The following DERA variants were observed in gnomAD, a reference collection of about 807,000 sequenced individuals.
DERA encodes 2-deoxy-D-ribose 5-phosphate aldolase.
Under a neutral mutation model 41.1 loss-of-function variants are expected in DERA, and 15 were observed. The observed-to-expected ratio is 0.37, with a 90% confidence interval of 0.24 to 0.56. DERA has a LOEUF of 0.56. Ranked by LOEUF, DERA falls within the 20% of genes least tolerant of loss-of-function variation. DERA has a pLI of 0.81. For synonymous variants in DERA, 139 were observed against 137.4 expected (o/e 1.01, Z -0.08); for missense variants, 396 against 403.4 (o/e 0.98, Z 0.16).
Position 15,988,815 on chromosome 12 carries a change from G to A in DERA, c.637+6379G>A, listed in dbSNP as rs1948782957. ...ACGGCACCCAGGCTATTCACACTGA[G>A]GGGCGCCTGCAGACCCACACCAAGC... On this transcript the variant is annotated intron_variant, in intron 6 of 8. Coordinates refer to ENST00000428559, the MANE Select transcript of DERA (RefSeq NM_015954.4). The surrounding 1 kb of genome is among the most constrained non-coding windows in gnomAD (Gnocchi z 6.0). 6.6e-6 allele frequency among the ~76,000 whole-genome samples: 1 copy of A among 152,316 alleles called. No homozygotes were observed. Among genetic ancestry groups the A allele is most frequent in the South Asian group, 2.1e-4 (1 of 4,830 alleles).
intron 1 of DERA, among the ~76,000 whole-genome samples, chr12:15,950,821 A>C (rs1483344888): frequency 6.6e-6 from 1 of 152,210 alleles, no homozygotes; most frequent in Non-Finnish European, 1.5e-5. Flanking sequence ...ATCTCTTATT[A>C]GGAAAGGCCT....
chr12:15,962,717 A>G, intron 4 of DERA, 96 bp from the exon 5 acceptor site: 1 of 1,025,774 alleles, frequency 9.7e-7, no homozygotes, highest in Non-Finnish European at 1.4e-6. Flanking sequence ...ATGAACTACT[A>G]CTGACCAATT....
Position 15,959,167 on chromosome 12 carries a change from A to G in DERA, c.278-662A>G, listed in dbSNP as rs944761556. ...AACCTAAACAACTCTACGGCTTTTGAAAAGTATTTATTATGTTTATTTCGT... is the reference window on the plus strand; with the variant it reads ...AACCTAAACAACTCTACGGCTTTTGGAAAGTATTTATTATGTTTATTTCGT... On this transcript the variant is annotated intron_variant, in intron 3 of 8. Transcript: ENST00000428559. The surrounding 1 kb of genome is among the most constrained non-coding windows in gnomAD (Gnocchi z 4.5). 1.3e-5 allele frequency among the ~76,000 whole-genome samples: 2 copies of G among 152,182 alleles called. No individual in the cohort carries two copies. The highest frequency in any genetic ancestry group is 4.8e-5 in the African/African-American group (2 of 41,436).
chr12:15,981,728 T>C lies in DERA; in HGVS notation c.509-580T>C, dbSNP rs116586780. ...GCATCTCTGAGCCTCCCTGCAGAGA[T>C]GGCTTTGTACACATGCGTCCAGCAC... On this transcript the variant is annotated intron_variant, in intron 5 of 8. Coordinates refer to ENST00000428559, the MANE Select transcript of DERA (RefSeq NM_015954.4). The surrounding 1 kb of genome is among the most constrained non-coding windows in gnomAD (Gnocchi z 6.1). Among the ~76,000 whole-genome samples the C allele has an allele frequency of 6.6e-6, 1 of 152,188 alleles. No homozygotes were observed. The highest frequency in any genetic ancestry group is 2.4e-5 in the African/African-American group (1 of 41,456).
chr12:15,988,583 C>T lies in DERA; in HGVS notation c.637+6147C>T, dbSNP rs1157393179. Among the ~76,000 whole-genome samples, 1 of 152,108 alleles carries T rather than the reference C, an allele frequency of 6.6e-6. No homozygotes were observed. The highest frequency in any genetic ancestry group is 1.5e-5 in the Non-Finnish European group (1 of 68,018). On this transcript the variant is annotated intron_variant, in intron 6 of 8. Coordinates refer to ENST00000428559, the MANE Select transcript of DERA (RefSeq NM_015954.4). The surrounding 1 kb of genome is among the most constrained non-coding windows in gnomAD (Gnocchi z 6.0). Reference sequence around the variant, plus strand: ...TGCATGCTGATTGGTCCATGGGCGGCCATGGATGGGCCTGGAAAAAGCACC... The same window carrying T: ...TGCATGCTGATTGGTCCATGGGCGGTCATGGATGGGCCTGGAAAAAGCACC...
Position 15,913,092 on chromosome 12 carries a change from A to C in DERA, c.31+1678A>C, listed in dbSNP as rs965955397. On this transcript the variant is annotated intron_variant, in intron 1 of 8. Transcript: ENST00000428559. The surrounding 1 kb of genome is among the most constrained non-coding windows in gnomAD (Gnocchi z 4.5). Reference sequence around the variant, plus strand: ...TATGCATACATCAAGGATGTGCCCTAAATTTCCCAAAACTTAGACATTTTA... The same window carrying C: ...TATGCATACATCAAGGATGTGCCCTCAATTTCCCAAAACTTAGACATTTTA... Among the ~76,000 whole-genome samples the C allele has an allele frequency of 1.3e-5, 2 of 152,242 alleles. No individual in the cohort carries two copies. Among genetic ancestry groups the C allele is most frequent in the African/African-American group, 2.4e-5 (1 of 41,468 alleles).
intron 6 of DERA, among the ~76,000 whole-genome samples, chr12:16,029,157 G>A (rs986473541): frequency 9.8e-5 from 15 of 152,298 alleles, no homozygotes; most frequent in African/African-American, 2.6e-4. Context: ...CAAACTGGCC[G>A]GGCGCGGTGG....
At chr12:16,030,395 C>T (rs1214012412) in intron 6 of DERA, among the ~76,000 whole-genome samples, 1 of 152,134 alleles carries the variant, frequency 6.6e-6, no homozygotes, top group African/African-American at 2.4e-5. Context: ...ATGTTTCCCT[C>T]ACCTTCTTAC....
intron 1 of DERA, among the ~76,000 whole-genome samples, chr12:15,949,745 G>A (rs952123664): frequency 2.0e-5 from 3 of 152,076 alleles, no homozygotes; most frequent in East Asian, 1.9e-4. Context: ...AGATGAACCC[G>A]GTACCTCAGT....
chr12:15,981,655 A>G lies in DERA; in HGVS notation c.509-653A>G, dbSNP rs893553685. ...GCCCAATGTGGAACCCTCCAAAGCC[A>G]GATGTGGTACTGGGGTCATGGGCTC... On this transcript the variant is annotated intron_variant, in intron 5 of 8. Coordinates refer to ENST00000428559, the MANE Select transcript of DERA (RefSeq NM_015954.4). The surrounding 1 kb of genome is among the most constrained non-coding windows in gnomAD (Gnocchi z 6.1). Among the ~76,000 whole-genome samples, 1 of 152,214 alleles carries G rather than the reference A, an allele frequency of 6.6e-6. No homozygotes were observed. Among genetic ancestry groups the G allele is most frequent in the Admixed American group, 6.5e-5 (1 of 15,284 alleles).
In DERA at chr12:16,003,756, C is replaced by A. The variant is rs150505857; in HGVS notation, c.637+21320C>A. On this transcript the variant is annotated intron_variant, in intron 6 of 8. Coordinates refer to ENST00000428559, the MANE Select transcript of DERA (RefSeq NM_015954.4). The surrounding 1 kb of genome is among the most constrained non-coding windows in gnomAD (Gnocchi z 4.8). ...CCTCCTTAGTTGTGCCTGAGAAGCT[C>A]CCAGCTTCCATAACTCCTCACTGCC... Among the ~76,000 whole-genome samples the A allele has an allele frequency of 2.6e-5, 4 of 152,284 alleles. No homozygotes were observed. Among genetic ancestry groups the A allele is most frequent in the African/African-American group, 9.6e-5 (4 of 41,568 alleles).
intron 5 of DERA, among the ~76,000 whole-genome samples, chr12:15,978,740 C>T (rs1056461119): frequency 6.6e-6 from 1 of 152,122 alleles, no homozygotes; most frequent in Non-Finnish European, 1.5e-5. Context: ...GAACATAGAT[C>T]ATGGTGTCCT....
chr12:15,962,049 G>A (rs927845395), intron 4 of DERA, among the ~76,000 whole-genome samples: 8 of 152,154 alleles, frequency 5.3e-5, no homozygotes, highest in Non-Finnish European at 8.8e-5. Context: ...CAGCCCCAAG[G>A]AATTTAATAT....
At chr12:15,951,357 T>C (rs77897889) in intron 1 of DERA, 1 of 152,272 alleles carries the variant, frequency 6.6e-6, no homozygotes, top group Non-Finnish European at 1.5e-5. Flanking sequence ...GACATCATCA[T>C]TTCTGCCTGA....
chr12:15,917,018 C>T (rs1050600937), intron 1 of DERA, among the ~76,000 whole-genome samples: 1 of 152,116 alleles, frequency 6.6e-6, no homozygotes, highest in Non-Finnish European at 1.5e-5. Flanking sequence ...TGGAGTTTCT[C>T]TTAGTAGTTT....
chr12:15,971,208 G>T (rs10846260), intron 5 of DERA, among the ~76,000 whole-genome samples: 1 of 152,014 alleles, frequency 6.6e-6, no homozygotes, highest in Non-Finnish European at 1.5e-5. Flanking sequence ...GGCATCTGCC[G>T]TTGTTTTTCT....
chr12:16,027,711 A>G (rs182513243), intron 6 of DERA, among the ~76,000 whole-genome samples: 1 of 152,316 alleles, frequency 6.6e-6, no homozygotes, highest in African/African-American at 2.4e-5. Flanking sequence ...GAGAGAATAC[A>G]CTTCTGTTGT....
chr12:15,945,384 T>A (rs1948439535), intron 1 of DERA, among the ~76,000 whole-genome samples: 1 of 152,220 alleles, frequency 6.6e-6, no homozygotes, highest in African/African-American at 2.4e-5. Flanking sequence ...CTTCCATTTG[T>A]TTGTGTCCTC....
At chr12:16,023,570 C>T (rs910715600) in intron 6 of DERA, among the ~76,000 whole-genome samples, 12 of 149,366 alleles carry the variant, frequency 8.0e-5, no homozygotes, top group Admixed American at 2.7e-4. Flanking sequence ...CTCCGCCTCC[C>T]GGGTTCACGC....
Sources: allele counts gnomAD v4.1 joint callset (sites outside exome capture counted in the v4.1 genomes callset), GRCh38; gene constraint gnomAD v4.1.1; non-coding constraint Gnocchi (gnomAD v3.1); transcripts MANE v1.5; gene names NCBI Gene and HGNC (gene_info 2026-07-23, HGNC 2026-07-21).